The following AGBL1 variants were observed in gnomAD, a reference collection of about 807,000 sequenced individuals.
AGBL1 encodes cytosolic carboxypeptidase 4.
Under a neutral mutation model 118.9 loss-of-function variants are expected in AGBL1, and 130 were observed. That is an observed-to-expected ratio of 1.09 (90% CI 0.95 to 1.26). The LOEUF (loss-of-function observed/expected upper bound fraction) is 1.26. Among genes scored for constraint, AGBL1 ranks in the 50% most tolerant of loss-of-function variants. AGBL1 has a pLI of 0.00. For missense variants in AGBL1, 1,584 were observed against 1,298.1 expected, an observed-to-expected ratio of 1.22 and a Z score of -3.38; for synonymous variants, 555 against 478.9, an observed-to-expected ratio of 1.16 and a Z score of -2.08.
In AGBL1 at chr15:86,278,795, G is replaced by T. The variant is rs60547805; in HGVS notation, c.2076-844G>T. Among the ~76,000 whole-genome samples the T allele has an allele frequency of 6.1e-3, 925 of 152,332 alleles. 12 individuals carry two copies. Among genetic ancestry groups the T allele is most frequent in the East Asian group, 0.024 (124 of 5,170 alleles). Reference sequence around the variant, plus strand: ...AGCCTGTGCAGCTGTCTCAGCATCAGTTGGCAGCGTGTGGGGAAAATATTG... The same window carrying T: ...AGCCTGTGCAGCTGTCTCAGCATCATTTGGCAGCGTGTGGGGAAAATATTG... On this transcript the variant is annotated intron_variant, in intron 15 of 22. Coordinates refer to ENST00000614907, the MANE Select transcript of AGBL1 (RefSeq NM_001386094.1).
chr15:86,741,409 A>AAAAAAAAAAAAAAAAAAAAAT (rs2077677243), intron 22 of AGBL1, among the ~76,000 whole-genome samples: 1 of 133,140 alleles, frequency 7.5e-6, no homozygotes, highest in African/African-American at 2.7e-5. Context: ...AAAAAAAAAA[A>AAAAAAAAAAAAAAAAAAAAAT]AAAAAAAAAA....
intron 17 of AGBL1, among the ~76,000 whole-genome samples, chr15:86,334,437 C>G (rs1463731823): frequency 2.0e-5 from 3 of 152,020 alleles, no homozygotes; most frequent in African/African-American, 7.2e-5. Flanking sequence ...AAAATACTAC[C>G]TAGGAATACG....
chr15:86,905,543 C>T (rs376308686), intron 22 of AGBL1, among the ~76,000 whole-genome samples: 1 of 152,310 alleles, frequency 6.6e-6, no homozygotes, highest in African/African-American at 2.4e-5. Flanking sequence ...GAATCAACAG[C>T]ACAGCAATGG....
intron 24 of AGBL1, among the ~76,000 whole-genome samples, chr15:86,992,099 G>A (rs1265862301): frequency 3.3e-5 from 5 of 152,106 alleles, no homozygotes; most frequent in African/African-American, 1.2e-4. Context: ...GCCTCAAGGA[G>A]CTTCTACTCA....
intron 18 of AGBL1, among the ~76,000 whole-genome samples, chr15:86,455,763 T>C (rs1057139897): frequency 6.6e-6 from 1 of 152,164 alleles, no homozygotes; most frequent in African/African-American, 2.4e-5. Flanking sequence ...ATCATTGTCT[T>C]ATCTTTGTCT....
Position 87,003,171 on chromosome 15 carries a change from A to G in AGBL1, c.3323+15083A>G, listed in dbSNP as rs1277799220. ...CGTCCCTTCAATACCTAATTTATTGAGAGTTTTTAGTATGAAGGGCTGTTG... is the reference window on the plus strand; with the variant it reads ...CGTCCCTTCAATACCTAATTTATTGGGAGTTTTTAGTATGAAGGGCTGTTG... On this transcript the variant is annotated intron_variant, in intron 24 of 24. Coordinates refer to the AGBL1 transcript ENST00000441037. Among the ~76,000 whole-genome samples, 4 of 149,296 alleles carry G rather than the reference A, an allele frequency of 2.7e-5. 1 individual carries two copies. Among genetic ancestry groups the G allele is most frequent in the Admixed American group, 1.3e-4 (2 of 15,148 alleles).
In AGBL1 at chr15:86,736,767, C is replaced by T. The variant is rs569041651; in HGVS notation, c.3158+62331C>T. On this transcript the variant is annotated intron_variant, in intron 22 of 22. Coordinates refer to ENST00000614907, the MANE Select transcript of AGBL1 (RefSeq NM_001386094.1). ...CATGCTGGAAGTATAAACAGGCCTG[C>T]GACATTAATACCTGGCTTTTAGACA... is the stretch of plus-strand genomic sequence containing the variant. Among the ~76,000 whole-genome samples the T allele has an allele frequency of 5.9e-5, 9 of 152,264 alleles. No homozygotes were observed. The South Asian group carries it at 1.0e-3, about 18-fold the overall frequency.
At chr15:86,312,101 G>A (rs1424350172) in intron 17 of AGBL1, 1 of 152,112 alleles carries the variant, frequency 6.6e-6, no homozygotes, top group Admixed American at 6.5e-5. Flanking sequence ...ATGGCCACAG[G>A]GACATCCCCT....
intron 6 of AGBL1, among the ~76,000 whole-genome samples, chr15:86,226,198 A>G (rs1468614083): frequency 6.6e-6 from 1 of 152,170 alleles, no homozygotes; most frequent in East Asian, 1.9e-4. Flanking sequence ...AGGACCATTC[A>G]TTCTTCAGAC....
rs1196002723 is a variant in AGBL1 at position 86,953,422 on chromosome 15, G to A, written c.3222-34565G>A. ...TGGATTTTTTTTTTTTTTTTTGACA[G>A]CATCTCATGTCAGGCTGGAGTGCAG... On this transcript the variant is annotated intron_variant, in intron 23 of 24. Transcript: ENST00000441037. Among the ~76,000 whole-genome samples the A allele has an allele frequency of 4.2e-5, 6 of 142,410 alleles. No homozygotes were observed. The South Asian group carries it at 1.3e-3, about 31-fold the overall frequency. 93.4% of individuals were successfully genotyped at this position (142,410 alleles called of 152,430 possible). A position where few individuals can be genotyped will look rare whatever the true frequency, so the allele number is the denominator to read the frequency against.
At chr15:86,893,491 A>C (rs2080080291) in intron 22 of AGBL1, among the ~76,000 whole-genome samples, 1 of 152,224 alleles carries the variant, frequency 6.6e-6, no homozygotes, top group African/African-American at 2.4e-5. Context: ...AACAAAACAA[A>C]AAAAGCAGAA....
intron 22 of AGBL1, among the ~76,000 whole-genome samples, chr15:86,886,048 G>T (rs528382662): frequency 4.8e-4 from 73 of 152,100 alleles, no homozygotes; most frequent in African/African-American, 9.2e-4. Context: ...TGATTTTTTG[G>T]TTTTTTTCAT....
intron 18 of AGBL1, among the ~76,000 whole-genome samples, chr15:86,455,287 C>T (rs1431227): frequency 0.18 from 27,863 of 152,036 alleles, 3,333 homozygotes; most frequent in African/African-American, 0.33. Context: ...CTTATAACAA[C>T]GTTACAATGA....
chr15:86,884,322 G>C (rs765604751), intron 22 of AGBL1, among the ~76,000 whole-genome samples: 3 of 152,172 alleles, frequency 2.0e-5, no homozygotes, highest in Non-Finnish European at 4.4e-5. Flanking sequence ...TTCATGTTCA[G>C]GCCAGGATGG....
chr15:86,973,719 T>G (rs1261696348), intron 23 of AGBL1, among the ~76,000 whole-genome samples: 4 of 151,700 alleles, frequency 2.6e-5, no homozygotes, highest in African/African-American at 7.3e-5. Flanking sequence ...TATGCTGTGG[T>G]GAAAGGAGCA....
chr15:86,282,597 G>C (rs2079372996), intron 16 of AGBL1, among the ~76,000 whole-genome samples: 3 of 152,032 alleles, frequency 2.0e-5, no homozygotes, highest in Admixed American at 2.0e-4. Context: ...TCCTCTCTAG[G>C]TTTAAGACAA....
At chr15:86,255,632 C>T (rs1258845709) in intron 7 of AGBL1, among the ~76,000 whole-genome samples, 1 of 152,106 alleles carries the variant, frequency 6.6e-6, no homozygotes, top group Non-Finnish European at 1.5e-5. Context: ...AAAATACAAA[C>T]ATTAGCTGGT....
Position 86,264,596 on chromosome 15 carries a change from C to T in AGBL1, c.1425C>T (p.Cys475=). The T allele has an allele frequency of 2.5e-6, 4 of 1,613,826 alleles. No homozygotes were observed. Among genetic ancestry groups the T allele is most frequent in the Non-Finnish European group, 3.4e-6 (4 of 1,179,804 alleles). Residue 475 remains cysteine (C), a synonymous_variant, in exon 11 of 23, where the codon TGC becomes TGT. Transcript: ENST00000614907. The part of the protein sequence containing the change: ...ADAWDVDAIF[C]PRMSASFSNS... ...CCTGGGACGTAGATGCAATTTTCTGCCCAAGGATGAGTGCCTCCTTTTCTA... is the reference window on the plus strand; with the variant it reads ...CCTGGGACGTAGATGCAATTTTCTGTCCAAGGATGAGTGCCTCCTTTTCTA...
intron 21 of AGBL1, among the ~76,000 whole-genome samples, chr15:86,619,731 A>C (rs2084778616): frequency 6.6e-6 from 1 of 152,186 alleles, no homozygotes; most frequent in Non-Finnish European, 1.5e-5. Context: ...GACTGTGACA[A>C]GCAGTGAAAT....
Sources: gnomAD v4.1 joint callset for allele counts (sites outside exome capture counted in the v4.1 genomes callset) on GRCh38, gnomAD v4.1.1 for gene constraint, MANE v1.5 for transcripts, NCBI Gene and HGNC (gene_info 2026-07-23, HGNC 2026-07-21) for gene names.